Variants in ADH7 observed in about 807,000 individuals in gnomAD.
ADH7 encodes the protein all-trans-retinol dehydrogenase [NAD(+)] ADH7.
ADH7 carries 41 observed loss-of-function variants against 34.4 expected under a neutral mutation model. The ratio of observed to expected loss-of-function variants is 1.19; its 90% CI spans 0.93 to 1.55. The LOEUF (loss-of-function observed/expected upper bound fraction) is 1.55, where lower values mean the gene tolerates loss of function less well. Ranked by LOEUF, ADH7 falls within the 40% of genes most tolerant of loss-of-function variation. ADH7 has a pLI of 0.00. For missense variants in ADH7, 540 were observed against 461.2 expected (o/e 1.17, Z -1.56); for synonymous variants, 180 against 160.9 (o/e 1.12, Z -0.90).
chr4:99,415,903 G>T (rs574039583), intron 7 of ADH7: 1 of 199,120 alleles, frequency 5.0e-6, no homozygotes, highest in South Asian at 9.4e-5. Flanking sequence ...GTTCTCACTC[G>T]TAAGTGGGAG....
At position 99,420,522 on chromosome 4, in the gene ADH7, T is replaced by C. The variant is rs747970327; in HGVS notation, c.825+11A>G. The C allele has an allele frequency of 6.2e-7, 1 of 1,607,958 alleles. No homozygotes were observed. The highest frequency in any genetic ancestry group is 1.7e-5 in the Admixed American group (1 of 59,542). On this transcript the variant is annotated intron_variant, in intron 6 of 8. Transcript: ENST00000437033. ...TGGGTATTTTGTGGCTTCTCAAATT[T>C]TGGGTCTTACCATGGTTTCAAGATG...
At position 99,428,120 on chromosome 4, in the gene ADH7, C is replaced by T. The variant is rs147020637; in HGVS notation, c.314G>A (p.Arg105His). ...LPQCRECNAC[R>H]NPDGNLCIRS... ...AATGCAAAGGTTGCCATCTGGGTTGCGACAAGCATTGCATTCTCTACATTG... is the reference window on the plus strand; with the variant it reads ...AATGCAAAGGTTGCCATCTGGGTTGTGACAAGCATTGCATTCTCTACATTG... The change falls in exon 4 of 9, where the codon CGC becomes CAC. Residue 105 changes from arginine to histidine, a missense_variant. Transcript: ENST00000437033. 50 of 1,613,750 alleles carry T rather than the reference C, an allele frequency of 3.1e-5. No homozygotes were observed. Among genetic ancestry groups the T allele is most frequent in the Non-Finnish European group, 3.9e-5 (46 of 1,179,878 alleles).
intron 2 of ADH7, 125 bp downstream of exon 2, chr4:99,429,407 A>G (rs1199832890): frequency 1.6e-6 from 1 of 627,692 alleles, no homozygotes; most frequent in Non-Finnish European, 2.7e-6. Context: ...AAGAGCCAGT[A>G]AAGGAATTAA....
chr4:99,419,122 C>T lies in ADH7; in HGVS notation c.826-1G>A. The T allele has an allele frequency of 6.2e-7, 1 of 1,613,208 alleles. No individual in the cohort carries two copies. The highest frequency in any genetic ancestry group is 8.5e-7 in the Non-Finnish European group (1 of 1,179,530). On this transcript the variant is annotated splice_acceptor_variant, in intron 6 of 8. Coordinates refer to ENST00000437033, the MANE Select transcript of ADH7 (RefSeq NM_000673.7). LOFTEE classifies it high-confidence loss of function. ...TGTGGCAGGATGCCAGGGCATCAATCTGAGTTTAAAACGGAGGAGATCGTT... is the reference window on the plus strand; with the variant it reads ...TGTGGCAGGATGCCAGGGCATCAATTTGAGTTTAAAACGGAGGAGATCGTT...
intron 1 of ADH7, among the ~76,000 whole-genome samples, chr4:99,431,090 G>T (rs565054666): frequency 2.0e-4 from 31 of 152,296 alleles, no homozygotes; most frequent in African/African-American, 7.5e-4. Context: ...GAGCCACTGT[G>T]CCTGGCCCAA....
At chr4:99,416,587 C>T (rs1407242173) in intron 7 of ADH7, among the ~76,000 whole-genome samples, 1 of 152,164 alleles carries the variant, frequency 6.6e-6, no homozygotes, top group Admixed American at 6.5e-5. Flanking sequence ...CTCTACATCT[C>T]CCAGACCTCT....
Position 99,435,022 on chromosome 4 carries a change from C to T in ADH7, c.18+194G>A, listed in dbSNP as rs1154469. ...CTGACATTGGATATACTATTTCCAA[C>T]TTACCCCTGCTTCCACTGACATTCT... On this transcript the variant is annotated intron_variant, in intron 1 of 8. Transcript: ENST00000437033. 496,848 of 1,534,720 alleles carry T rather than the reference C, an allele frequency of 0.32. 83,229 individuals carry two copies. Among genetic ancestry groups the T allele is most frequent in the Admixed American group, 0.42 (21,230 of 50,938 alleles).
intron 8 of ADH7, among the ~76,000 whole-genome samples, chr4:99,414,018 T>G (rs1484524504): frequency 6.6e-6 from 1 of 152,148 alleles, no homozygotes; most frequent in African/African-American, 2.4e-5. Flanking sequence ...AGGTGGAAAT[T>G]GAAGAGTTTA....
At chr4:99,428,057 T>C in intron 4 of ADH7, 30 bp downstream of exon 4, 11 of 1,613,194 alleles carry the variant, frequency 6.8e-6, no homozygotes, top group Non-Finnish European at 9.3e-6. Flanking sequence ...AAAATGTAAA[T>C]ACATTAAAGT....
intron 7 of ADH7, among the ~76,000 whole-genome samples, chr4:99,418,529 C>G (rs540262474): frequency 6.6e-6 from 1 of 152,144 alleles, no homozygotes; most frequent in African/African-American, 2.4e-5. Context: ...TAATCTAAGT[C>G]CTTCCAGTGT....
In ADH7 at chr4:99,420,793, C is replaced by G. The variant is rs747508493; in HGVS notation, c.565G>C (p.Val189Leu). 1 of 1,613,656 alleles carries G rather than the reference C, an allele frequency of 6.2e-7. No homozygotes were observed. The highest frequency in any genetic ancestry group is 8.5e-7 in the Non-Finnish European group (1 of 1,179,808). The change falls in exon 6 of 9, where the codon GTC becomes CTC. Residue 189 changes from valine (V) to leucine (L), a missense_variant and splice_region_variant. Val to Leu is a conservative substitution (Grantham distance 32). Coordinates refer to ENST00000437033, the MANE Select transcript of ADH7 (RefSeq NM_000673.7). Reference sequence around the variant, plus strand: ...ACGACGCAAGTGGAACCAGGTTTGACCTGTGGAGAGGAATGTTCTTGAACA... The same window carrying G: ...ACGACGCAAGTGGAACCAGGTTTGAGCTGTGGAGAGGAATGTTCTTGAACA... ...GYGAAVKTGK[V>L]KPGSTCVVFG...
At chr4:99,430,765 A>T (rs1422208866) in intron 1 of ADH7, among the ~76,000 whole-genome samples, 1 of 152,134 alleles carries the variant, frequency 6.6e-6, no homozygotes, top group Non-Finnish European at 1.5e-5. Flanking sequence ...ATTCCCAAAC[A>T]AATTCAAGCT....
Position 99,412,996 on chromosome 4 carries a change from G to T in ADH7, c.*152C>A. On this transcript the variant is annotated 3_prime_UTR_variant, in exon 9 of 9. Coordinates refer to ENST00000437033, the MANE Select transcript of ADH7 (RefSeq NM_000673.7). ...CACAAGACTTTAAATGTTTATAAAG[G>T]TTAATAATTCTTTATAAGGGTTCTA... 4.5e-6 allele frequency: 3 copies of T among 673,932 alleles called. No individual in the cohort carries two copies. The allele number at this position is 673,932 out of a possible 1,614,324, so 41.7% of individuals were successfully genotyped here. A position where few individuals can be genotyped will look rare whatever the true frequency, so the allele number is the denominator to read the frequency against.
At chr4:99,426,818 A>G (rs1436720136) in intron 5 of ADH7, among the ~76,000 whole-genome samples, 2 of 152,244 alleles carry the variant, frequency 1.3e-5, no homozygotes, top group African/African-American at 4.8e-5. Context: ...TCAATAAAAT[A>G]CTGGCAAACC....
At chr4:99,417,494 A>G (rs1034845231) in intron 7 of ADH7, among the ~76,000 whole-genome samples, 1 of 152,044 alleles carries the variant, frequency 6.6e-6, no homozygotes, top group Non-Finnish European at 1.5e-5. Flanking sequence ...AACTTTATAA[A>G]ATAGCATTCA....
intron 5 of ADH7, among the ~76,000 whole-genome samples, chr4:99,427,515 T>G (rs2110139034): frequency 6.6e-6 from 1 of 152,276 alleles, no homozygotes; most frequent in Middle Eastern, 3.4e-3. Flanking sequence ...GGAAGGGGTA[T>G]ATTTTAAAGA....
At chr4:99,429,434 A>G (rs1721889395) in intron 2 of ADH7, 98 bp downstream of exon 2, 4 of 754,790 alleles carry the variant, frequency 5.3e-6, no homozygotes, top group Non-Finnish European at 8.5e-6. Flanking sequence ...AAACATGGGA[A>G]GCATCTCCTT....
At chr4:99,416,930 T>G (rs958754213) in intron 7 of ADH7, among the ~76,000 whole-genome samples, 4 of 152,192 alleles carry the variant, frequency 2.6e-5, no homozygotes, top group Non-Finnish European at 5.9e-5. Flanking sequence ...ACATGATTCC[T>G]GTTGCTTAGG....
chr4:99,416,593 C>T (rs1000340010), intron 7 of ADH7, among the ~76,000 whole-genome samples: 1 of 152,166 alleles, frequency 6.6e-6, no homozygotes, highest in Admixed American at 6.5e-5. Context: ...ATCTCCCAGA[C>T]CTCTAACTCC....
Sources: allele counts gnomAD v4.1 joint callset (sites outside exome capture counted in the v4.1 genomes callset), GRCh38; gene constraint gnomAD v4.1.1; transcripts MANE v1.5; gene names NCBI Gene and HGNC (gene_info 2026-07-23, HGNC 2026-07-21).